Variants in MAGI3 observed in about 807,000 individuals in gnomAD.
The protein encoded by MAGI3 is membrane-associated guanylate kinase, WW and PDZ domain-containing protein 3.
MAGI3 carries 43 observed loss-of-function variants against 121.8 expected under a neutral mutation model. That is an observed-to-expected ratio of 0.35 (90% CI 0.28 to 0.46). MAGI3 has a LOEUF of 0.46. Ranked by LOEUF, MAGI3 falls within the 20% of genes least tolerant of loss-of-function variation. The pLI is 1.00. For missense variants in MAGI3, 1,547 were observed against 1,797.3 expected (o/e 0.86, Z 2.52); for synonymous variants, 553 against 639.3 (o/e 0.86, Z 2.04).
intron 1 of MAGI3, among the ~76,000 whole-genome samples, chr1:113,446,781 A>G (rs757304783): frequency 2.0e-5 from 3 of 152,354 alleles, no homozygotes; most frequent in East Asian, 1.9e-4. Context: ...TAAGAGACAA[A>G]GAAGGACATT....
chr1:113,607,237 A>G lies in MAGI3; in HGVS notation c.1019-7364A>G, dbSNP rs145739884. 3.3e-5 allele frequency among the ~76,000 whole-genome samples: 5 copies of G among 152,250 alleles called. No individual in the cohort carries two copies. The East Asian group carries it at 9.6e-4, about 29-fold the overall frequency. On this transcript the variant is annotated intron_variant, in intron 6 of 20. Transcript: ENST00000307546. ...AAGAAACAAACTAAGCTTCACTACT[A>G]TTTTACATACAGATTGGTAATGGCA...
At chr1:113,534,054 T>C (rs1274123536) in intron 1 of MAGI3, among the ~76,000 whole-genome samples, 2 of 152,198 alleles carry the variant, frequency 1.3e-5, no homozygotes, top group Non-Finnish European at 2.9e-5. Flanking sequence ...TGAGCATTCA[T>C]TCACTTCACG....
Position 113,684,114 on chromosome 1 carries a change from A to ATAAG in MAGI3, c.*103_*106dup. 2 of 1,308,464 alleles carry ATAAG rather than the reference A, an allele frequency of 1.5e-6. No homozygotes were observed. Among genetic ancestry groups the ATAAG allele is most frequent in the East Asian group, 2.6e-5 (1 of 39,100 alleles). 81.1% of individuals were successfully genotyped at this position (1,308,464 alleles called of 1,614,324 possible). On this transcript the variant is annotated 3_prime_UTR_variant, in exon 21 of 21. Coordinates refer to ENST00000307546, the MANE Select transcript of MAGI3 (RefSeq NM_001142782.2). ...TTTTTTTTCAGATATTCTGAAACAGATAAGTACATGTTAATGTGAGCCTCA... is the reference window on the plus strand; with the variant it reads ...TTTTTTTTCAGATATTCTGAAACAGATAAGTAAGTACATGTTAATGTGAGCCTCA...
chr1:113,636,904 G>C (rs1462332699), intron 9 of MAGI3, among the ~76,000 whole-genome samples: 3 of 152,122 alleles, frequency 2.0e-5, no homozygotes, highest in East Asian at 1.9e-4. Flanking sequence ...TTATGAATCT[G>C]GGTGCTCCTG....
chr1:113,412,486 C>A (rs978227313), intron 1 of MAGI3, among the ~76,000 whole-genome samples: 1 of 152,142 alleles, frequency 6.6e-6, no homozygotes, highest in African/African-American at 2.4e-5. Flanking sequence ...TACACTCCCA[C>A]CAATAGTGTA....
chr1:113,669,612 C>T (rs997932406), intron 16 of MAGI3, among the ~76,000 whole-genome samples: 1 of 152,178 alleles, frequency 6.6e-6, no homozygotes, highest in Non-Finnish European at 1.5e-5. Context: ...TCATTGCAAC[C>T]TCCACCTCCT....
intron 1 of MAGI3, among the ~76,000 whole-genome samples, chr1:113,446,461 GC>G (rs1332574529): frequency 6.6e-6 from 1 of 152,188 alleles, no homozygotes; most frequent in Non-Finnish European, 1.5e-5. Flanking sequence ...AGGCAGTAAT[GC>G]AGGAAATGAT....
In MAGI3 at chr1:113,391,559, C is replaced by T. The variant is rs903021457; in HGVS notation, c.316+210C>T. Among the ~76,000 whole-genome samples the T allele has an allele frequency of 6.6e-6, 1 of 152,156 alleles. No homozygotes were observed. The highest frequency in any genetic ancestry group is 1.5e-5 in the Non-Finnish European group (1 of 68,028). On this transcript the variant is annotated intron_variant, in intron 1 of 20. Coordinates refer to ENST00000307546, the MANE Select transcript of MAGI3 (RefSeq NM_001142782.2). The surrounding 1 kb of genome is among the most constrained non-coding windows in gnomAD (Gnocchi z 4.4). ...ACTGAGCTCTGGCTTGGCGCGGTTGCTCTGCTAGCTGTGCTAGCTGTCACA... is the reference window on the plus strand; with the variant it reads ...ACTGAGCTCTGGCTTGGCGCGGTTGTTCTGCTAGCTGTGCTAGCTGTCACA...
intron 11 of MAGI3, among the ~76,000 whole-genome samples, chr1:113,644,173 G>GT (rs1216621315): frequency 7.9e-5 from 12 of 152,254 alleles, no homozygotes; most frequent in Admixed American, 6.5e-4. Context: ...AAGAGAAGAC[G>GT]TACTAGTTCA....
At chr1:113,640,664 G>C (rs757419048) in intron 9 of MAGI3, among the ~76,000 whole-genome samples, 31 of 151,798 alleles carry the variant, frequency 2.0e-4, no homozygotes, top group Non-Finnish European at 2.9e-4. Flanking sequence ...TTATAAGTGG[G>C]AGTTGAACAA....
intron 1 of MAGI3, among the ~76,000 whole-genome samples, chr1:113,401,161 C>T (rs1259179740): frequency 2.0e-5 from 3 of 152,136 alleles, no homozygotes; most frequent in African/African-American, 7.2e-5. Context: ...AAAGTTCACA[C>T]AGACTCACAG....
chr1:113,425,617 A>G (rs1406874604), intron 1 of MAGI3, among the ~76,000 whole-genome samples: 2 of 152,104 alleles, frequency 1.3e-5, no homozygotes, highest in Non-Finnish European at 2.9e-5. Flanking sequence ...TTATAGGACT[A>G]TTCAGATTTT....
intron 1 of MAGI3, chr1:113,403,639 C>T (rs1379688484): frequency 6.6e-6 from 1 of 152,070 alleles, no homozygotes; most frequent in Non-Finnish European, 1.5e-5. Context: ...TGAAAATTCT[C>T]TCTTTTTTGT....
chr1:113,485,171 A>G (rs1656323641), intron 1 of MAGI3, among the ~76,000 whole-genome samples: 1 of 152,216 alleles, frequency 6.6e-6, no homozygotes, highest in Admixed American at 6.5e-5. Context: ...TCCTCTGGAT[A>G]GATACCTAGT....
intron 19 of MAGI3, among the ~76,000 whole-genome samples, chr1:113,674,807 A>C (rs1318892865): frequency 3.3e-5 from 5 of 152,210 alleles, no homozygotes; most frequent in African/African-American, 9.7e-5. Flanking sequence ...AACAAATAAG[A>C]TATTATCCTC....
At chr1:113,655,979 CA>C (rs1653447110) in intron 15 of MAGI3, among the ~76,000 whole-genome samples, 1 of 152,070 alleles carries the variant, frequency 6.6e-6, no homozygotes, top group Non-Finnish European at 1.5e-5. Context: ...AAAAGTTCAT[CA>C]ATACTTAATA....
At chr1:113,416,051 A>G (rs1208180150) in intron 1 of MAGI3, among the ~76,000 whole-genome samples, 1 of 149,258 alleles carries the variant, frequency 6.7e-6, no homozygotes, top group African/African-American at 2.5e-5. Context: ...TATGTAATTA[A>G]TGACACATAT....
chr1:113,525,465 G>T (rs1444728923), intron 1 of MAGI3, among the ~76,000 whole-genome samples: 1 of 151,504 alleles, frequency 6.6e-6, no homozygotes, highest in Non-Finnish European at 1.5e-5. Flanking sequence ...CTGATTGAAA[G>T]ATAACAGACT....
intron 1 of MAGI3, among the ~76,000 whole-genome samples, chr1:113,525,139 T>C (rs1321421883): frequency 2.6e-5 from 4 of 152,220 alleles, no homozygotes; most frequent in Non-Finnish European, 5.9e-5. Flanking sequence ...CTTTCTTTTG[T>C]TAAATTGTCC....
Sources: allele counts gnomAD v4.1 joint callset (sites outside exome capture counted in the v4.1 genomes callset), GRCh38; gene constraint gnomAD v4.1.1; non-coding constraint Gnocchi (gnomAD v3.1); transcripts MANE v1.5; gene names NCBI Gene and HGNC (gene_info 2026-07-23, HGNC 2026-07-21).